SLC9A9: variants seen among roughly 807,000 people sequenced by gnomAD.
SLC9A9 encodes the protein solute carrier family 9 member A9, also known as sodium/hydrogen exchanger 9.
Under a neutral mutation model 77.8 loss-of-function variants are expected in SLC9A9, and 62 were observed. The observed-to-expected ratio is 0.80, with a 90% confidence interval of 0.65 to 0.98. SLC9A9 has a LOEUF of 0.98. SLC9A9 is among the 50% of genes least tolerant of loss of function. The pLI is 0.00. For missense variants in SLC9A9, 775 were observed against 774.9 expected, an observed-to-expected ratio of 1.00 and a Z score of 0.00; for synonymous variants, 320 against 283.5, an observed-to-expected ratio of 1.13 and a Z score of -1.29.
intron 6 of SLC9A9, among the ~76,000 whole-genome samples, chr3:143,640,927 A>C (rs1386545886): frequency 2.2e-4 from 33 of 152,184 alleles, no homozygotes; most frequent in Non-Finnish European, 1.5e-5. Flanking sequence ...GCACATAAAG[A>C]AAGATTTTTA....
rs573882649 is a variant in SLC9A9 at position 143,814,654 on chromosome 3, A to C, written c.378+17365T>G. ...TTGCATTTGAGACATAATTTTCCCCAGTCATTGACTATGTATCTGAAATTC... is the reference window on the plus strand; with the variant it reads ...TTGCATTTGAGACATAATTTTCCCCCGTCATTGACTATGTATCTGAAATTC... On this transcript the variant is annotated intron_variant, in intron 2 of 15. Coordinates refer to ENST00000316549, the MANE Select transcript of SLC9A9 (RefSeq NM_173653.4). 5.3e-5 allele frequency among the ~76,000 whole-genome samples: 8 copies of C among 152,312 alleles called. No individual in the cohort carries two copies. The South Asian group carries it at 8.3e-4, about 16-fold the overall frequency.
chr3:143,358,503 TC>T (rs951156746), intron 14 of SLC9A9, among the ~76,000 whole-genome samples: 38 of 152,330 alleles, frequency 2.5e-4, no homozygotes, highest in African/African-American at 7.5e-4. Context: ...TTTGGAAAGG[TC>T]ATTCTTATCC....
intron 5 of SLC9A9, among the ~76,000 whole-genome samples, chr3:143,656,133 G>T (rs1017959797): frequency 1.3e-5 from 2 of 152,170 alleles, no homozygotes; most frequent in African/African-American, 4.8e-5. Flanking sequence ...TGAGTTAGAG[G>T]CTACAGGAAG....
chr3:143,795,728 C>CCAAAA (rs1405292186), intron 3 of SLC9A9, among the ~76,000 whole-genome samples: 1 of 152,174 alleles, frequency 6.6e-6, no homozygotes, highest in East Asian at 1.9e-4. Flanking sequence ...GACTGTGTCT[C>CCAAAA]CAAAACAAAA....
In SLC9A9 at chr3:143,796,891, G is replaced by A; in HGVS notation, c.391C>T (p.Pro131Ser). Residue 131 changes from proline (P) to serine (S), a missense_variant, in exon 3 of 16, where the codon CCA becomes TCA. Pro to Ser is a moderately conservative substitution (Grantham distance 74). Coordinates refer to ENST00000316549, the MANE Select transcript of SLC9A9 (RefSeq NM_173653.4). The stretch of plus-strand genomic sequence containing the variant: ...AGTAAAACATTGAAGAAGATTTCTG[G>A]ATCAAATGTCATCTGCCAGAAAGGA... ...NAILEKMTFD[P>S]EIFFNVLLPP... 6.2e-7 allele frequency: 1 copy of A among 1,611,836 alleles called. No individual in the cohort carries two copies. Among genetic ancestry groups the A allele is most frequent in the Non-Finnish European group, 8.5e-7 (1 of 1,178,614 alleles).
At chr3:143,423,755 CT>C (rs2034354163) in intron 12 of SLC9A9, among the ~76,000 whole-genome samples, 1 of 152,160 alleles carries the variant, frequency 6.6e-6, no homozygotes, top group South Asian at 2.1e-4. Context: ...GAAAGAGTAA[CT>C]TTACAGCAGA....
At chr3:143,485,343 C>T (rs931158717) in intron 11 of SLC9A9, among the ~76,000 whole-genome samples, 2 of 152,108 alleles carry the variant, frequency 1.3e-5, no homozygotes, top group Admixed American at 6.5e-5. Context: ...GGGCCAGGAC[C>T]CTTTTAATTT....
intron 11 of SLC9A9, among the ~76,000 whole-genome samples, chr3:143,480,715 G>T (rs838639): frequency 0.72 from 110,076 of 152,094 alleles, 39,989 homozygotes; most frequent in African/African-American, 0.77. Context: ...ACCTCTGCCC[G>T]GTTAGCTGTT....
chr3:143,821,491 G>T (rs974013472), intron 2 of SLC9A9, among the ~76,000 whole-genome samples: 1 of 152,176 alleles, frequency 6.6e-6, no homozygotes, highest in Admixed American at 6.5e-5. Flanking sequence ...CTGAAAATGT[G>T]ATGCTCTAAC....
chr3:143,651,567 A>G (rs1216319201), intron 6 of SLC9A9, among the ~76,000 whole-genome samples: 3 of 152,222 alleles, frequency 2.0e-5, no homozygotes, highest in Non-Finnish European at 2.9e-5. Context: ...GTTGCCCAAA[A>G]TGTTGGTCTT....
intron 14 of SLC9A9, among the ~76,000 whole-genome samples, chr3:143,314,968 C>A (rs910025684): frequency 6.6e-6 from 1 of 152,200 alleles, no homozygotes; most frequent in African/African-American, 2.4e-5. Context: ...ATTAGCCCTG[C>A]AACACCTGGG....
rs369932873 is a variant in SLC9A9 at position 143,606,187 on chromosome 3, C to T, written c.756-27464G>A. ...TGGGAGGCTGAGGTGGGTGGACCAC[C>T]TGAGGTCAGGAGTTCGATACCAGCC... On this transcript the variant is annotated intron_variant, in intron 6 of 15. Transcript: ENST00000316549. Among the ~76,000 whole-genome samples the T allele has an allele frequency of 2.8e-4, 43 of 151,988 alleles. No homozygotes were observed. In the East Asian group the frequency reaches 8.3e-3, roughly 29 times the overall value.
chr3:143,577,967 C>G (rs947574032), intron 7 of SLC9A9, among the ~76,000 whole-genome samples: 1 of 152,198 alleles, frequency 6.6e-6, no homozygotes, highest in Non-Finnish European at 1.5e-5. Flanking sequence ...CTTTCTTTGG[C>G]TCAGATTCTC....
intron 14 of SLC9A9, among the ~76,000 whole-genome samples, chr3:143,361,754 T>A (rs956968450): frequency 6.6e-6 from 1 of 152,192 alleles, no homozygotes; most frequent in Non-Finnish European, 1.5e-5. Context: ...AAACCCCTGA[T>A]GAAAGTGAGA....
intron 12 of SLC9A9, among the ~76,000 whole-genome samples, chr3:143,435,022 C>T (rs1473551080): frequency 6.6e-6 from 1 of 152,174 alleles, no homozygotes; most frequent in South Asian, 2.1e-4. Flanking sequence ...GGCTCTCACG[C>T]CCCGCCGTCA....
chr3:143,786,490 A>G lies in SLC9A9; in HGVS notation c.533+8511T>C, dbSNP rs182710049. Among the ~76,000 whole-genome samples, 27 of 152,242 alleles carry G rather than the reference A, an allele frequency of 1.8e-4. No homozygotes were observed. In the East Asian group the frequency reaches 5.2e-3, roughly 29 times the overall value. ...TGGTGAATGATACACGGGCTCACAC[A>G]GCTCTGACGGCTTCACCTCTTTCAC... is the stretch of plus-strand genomic sequence containing the variant. On this transcript the variant is annotated intron_variant, in intron 4 of 15. Coordinates refer to ENST00000316549, the MANE Select transcript of SLC9A9 (RefSeq NM_173653.4).
chr3:143,613,251 T>C (rs1313031613), intron 6 of SLC9A9, among the ~76,000 whole-genome samples: 1 of 152,206 alleles, frequency 6.6e-6, no homozygotes, highest in African/African-American at 2.4e-5. Flanking sequence ...AAAAAGCATC[T>C]TAGAATTAAA....
At chr3:143,350,992 C>T (rs1201266215) in intron 14 of SLC9A9, among the ~76,000 whole-genome samples, 1 of 152,208 alleles carries the variant, frequency 6.6e-6, no homozygotes, top group African/African-American at 2.4e-5. Context: ...TGTGTTCTCA[C>T]AGCTCCCTGC....
At chr3:143,821,760 A>G (rs1475010984) in intron 2 of SLC9A9, among the ~76,000 whole-genome samples, 2 of 152,224 alleles carry the variant, frequency 1.3e-5, no homozygotes, top group African/African-American at 2.4e-5. Flanking sequence ...AAAGTTGTTG[A>G]ATATTTAATA....
Sources: allele counts gnomAD v4.1 joint callset (sites outside exome capture counted in the v4.1 genomes callset), GRCh38; gene constraint gnomAD v4.1.1; transcripts MANE v1.5; gene names NCBI Gene and HGNC (gene_info 2026-07-23, HGNC 2026-07-21).